The following NLGN1 variants were observed in gnomAD, a reference collection of about 807,000 sequenced individuals.
NLGN1 encodes the protein neuroligin-1.
NLGN1 carries 12 observed loss-of-function variants against 65.5 expected under a neutral mutation model. That is an observed-to-expected ratio of 0.18 (90% CI 0.12 to 0.30). The LOEUF (loss-of-function observed/expected upper bound fraction) is 0.30, where lower values mean the gene tolerates loss of function less well. Ranked by LOEUF, NLGN1 falls within the 10% of genes least tolerant of loss-of-function variation. The pLI, the probability that NLGN1 is intolerant of heterozygous loss-of-function variation, is 1.00. For missense variants in NLGN1, 750 were observed against 1,007.1 expected, an observed-to-expected ratio of 0.74 and a Z score of 3.46; for synonymous variants, 350 against 359.5, an observed-to-expected ratio of 0.97 and a Z score of 0.30.
intron 3 of NLGN1, among the ~76,000 whole-genome samples, chr3:173,747,186 CAATA>C (rs1434554403): frequency 1.5e-5 from 2 of 135,684 alleles, no homozygotes; most frequent in East Asian, 2.0e-4. Flanking sequence ...CGTCTCAAAA[CAATA>C]TATATATAAT....
chr3:173,621,892 C>G (rs985922613), intron 3 of NLGN1, among the ~76,000 whole-genome samples: 3 of 152,024 alleles, frequency 2.0e-5, no homozygotes, highest in Non-Finnish European at 1.5e-5. Flanking sequence ...AATGAATTTA[C>G]CATTCTTTCC....
intron 4 of NLGN1, among the ~76,000 whole-genome samples, chr3:173,979,313 G>A (rs1718244908): frequency 6.6e-6 from 1 of 151,946 alleles, no homozygotes; most frequent in Non-Finnish European, 1.5e-5. Context: ...GAAACACCTG[G>A]GCATGTTAAA....
intron 1 of NLGN1, among the ~76,000 whole-genome samples, chr3:173,414,268 ATATGT>A (rs1257116481): frequency 6.6e-5 from 10 of 152,230 alleles, no homozygotes; most frequent in African/African-American, 1.9e-4. Context: ...GATAAAGGAG[ATATGT>A]TATATAGTAC....
At chr3:173,613,317 C>T (rs1299803390) in intron 3 of NLGN1, among the ~76,000 whole-genome samples, 1 of 152,036 alleles carries the variant, frequency 6.6e-6, no homozygotes, top group African/African-American at 2.4e-5. Context: ...TACTGAGACT[C>T]CTATTCAAAT....
intron 4 of NLGN1, among the ~76,000 whole-genome samples, chr3:174,092,772 T>C (rs1330523705): frequency 6.6e-6 from 1 of 152,116 alleles, no homozygotes; most frequent in Non-Finnish European, 1.5e-5. Flanking sequence ...ATTCCAGGTG[T>C]CCCTAAAGAG....
intron 4 of NLGN1, among the ~76,000 whole-genome samples, chr3:174,172,974 G>C (rs960933411): frequency 6.6e-6 from 1 of 151,924 alleles, no homozygotes; most frequent in Non-Finnish European, 1.5e-5. Flanking sequence ...CCATATTTTT[G>C]TGTCCTCTGC....
downstream of NLGN1, among the ~76,000 whole-genome samples, chr3:174,287,087 A>G (rs1473182687): frequency 6.6e-6 from 1 of 151,588 alleles, no homozygotes; most frequent in Non-Finnish European, 1.5e-5. Flanking sequence ...CTTAGAGAAC[A>G]AAATTAATAA....
intron 4 of NLGN1, among the ~76,000 whole-genome samples, chr3:173,880,553 G>A (rs1447696366): frequency 2.0e-5 from 3 of 150,940 alleles, no homozygotes; most frequent in Non-Finnish European, 4.4e-5. Context: ...TCCATTAGGT[G>A]TACAATATAA....
chr3:173,936,061 C>A (rs2152297646), intron 4 of NLGN1, among the ~76,000 whole-genome samples: 2 of 151,434 alleles, frequency 1.3e-5, no homozygotes, highest in South Asian at 4.2e-4. Flanking sequence ...TTCTGTTGTG[C>A]AAAGTTGTCA....
chr3:174,240,797 G>T (rs1577530832), intron 4 of NLGN1, among the ~76,000 whole-genome samples: 1 of 152,154 alleles, frequency 6.6e-6, no homozygotes, highest in Admixed American at 6.5e-5. Flanking sequence ...ATATGTAAGA[G>T]AATTTGTGGG....
chr3:173,407,279 A>T (rs1215513416), intron 1 of NLGN1, among the ~76,000 whole-genome samples: 1 of 152,218 alleles, frequency 6.6e-6, no homozygotes, highest in Non-Finnish European at 1.5e-5. Context: ...TAAATTTTCA[A>T]TGGTCTTTCC....
chr3:174,165,452 T>C (rs1284409880), intron 4 of NLGN1, among the ~76,000 whole-genome samples: 1 of 152,110 alleles, frequency 6.6e-6, no homozygotes, highest in Non-Finnish European at 1.5e-5. Context: ...TCTGTTGAGA[T>C]GATCATATGG....
intron 2 of NLGN1, among the ~76,000 whole-genome samples, chr3:173,468,671 T>C (rs539427540): frequency 6.6e-6 from 1 of 152,208 alleles, no homozygotes; most frequent in African/African-American, 2.4e-5. Context: ...TTTCCCATGT[T>C]TTGTGTTTCC....
intron 2 of NLGN1, among the ~76,000 whole-genome samples, chr3:173,567,314 A>G (rs1220503968): frequency 6.6e-6 from 1 of 152,120 alleles, no homozygotes; most frequent in Non-Finnish European, 1.5e-5. Context: ...ACTAATACAT[A>G]CATTTAATTG....
intron 4 of NLGN1, among the ~76,000 whole-genome samples, chr3:174,268,918 C>T (rs944534754): frequency 2.7e-5 from 4 of 150,710 alleles, no homozygotes; most frequent in African/African-American, 7.3e-5. Context: ...GAAATACCAT[C>T]AAGTTGTTTG....
At chr3:174,187,582 T>C (rs1425467294) in intron 4 of NLGN1, among the ~76,000 whole-genome samples, 1 of 152,040 alleles carries the variant, frequency 6.6e-6, no homozygotes, top group African/African-American at 2.4e-5. Context: ...GATTTAGACA[T>C]AGAAAATGCA....
At chr3:173,583,159 T>C (rs78301634) in intron 2 of NLGN1, among the ~76,000 whole-genome samples, 1 of 152,232 alleles carries the variant, frequency 6.6e-6, no homozygotes, top group East Asian at 1.9e-4. Flanking sequence ...TAGTTCATAT[T>C]GGAACTTCCT....
intron 5 of NLGN1, among the ~76,000 whole-genome samples, chr3:174,277,533 T>TTTA (rs1177756559): frequency 6.7e-6 from 1 of 149,686 alleles, no homozygotes; most frequent in Admixed American, 6.6e-5. Context: ...ACAATTTTTA[T>TTTA]TTATTAAAAT....
intron 3 of NLGN1, among the ~76,000 whole-genome samples, chr3:173,690,277 A>G (rs999198652): frequency 1.3e-5 from 2 of 152,186 alleles, no homozygotes; most frequent in Non-Finnish European, 2.9e-5. Flanking sequence ...TGACCACAAC[A>G]TCATGACTTA....
Sources: gnomAD v4.1 joint callset for allele counts (sites outside exome capture counted in the v4.1 genomes callset) on GRCh38, gnomAD v4.1.1 for gene constraint, MANE v1.5 for transcripts, NCBI Gene and HGNC (gene_info 2026-07-23, HGNC 2026-07-21) for gene names.